DLGAP1: variants seen among roughly 807,000 people sequenced by gnomAD.
The protein encoded by DLGAP1 is disks large-associated protein 1.
DLGAP1 carries 11 observed loss-of-function variants against 90.8 expected under a neutral mutation model. The observed-to-expected ratio is 0.12, with a 90% CI of 0.08 to 0.20. The LOEUF (loss-of-function observed/expected upper bound fraction) is 0.20, where lower values mean the gene tolerates loss of function less well. Ranked by LOEUF, DLGAP1 falls within the 10% of genes least tolerant of loss-of-function variation. DLGAP1 has a pLI of 1.00. For synonymous variants in DLGAP1, 558 were observed against 540.7 expected, an observed-to-expected ratio of 1.03 and a Z score of -0.44; for missense variants, 1,050 against 1,333.8, an observed-to-expected ratio of 0.79 and a Z score of 3.31.
rs1178646005 is a variant in DLGAP1, at chr18:4,366,851, T to C, written c.-267+88155A>G. On this transcript the variant is annotated intron_variant, in intron 1 of 12. Transcript: ENST00000315677. ...AGAGGCTGTATCCAAAAAATCAAGA[T>C]TGTTTCTCATCTTTAAGCCATAAAT... Among the ~76,000 whole-genome samples the C allele has an allele frequency of 2.0e-5, 3 of 152,002 alleles. No individual in the cohort carries two copies. In the East Asian group the frequency reaches 5.8e-4, roughly 29 times the overall value.
intron 6 of DLGAP1, among the ~76,000 whole-genome samples, chr18:3,741,105 AC>A (rs1250024052): frequency 2.6e-5 from 3 of 115,182 alleles, no homozygotes; most frequent in Non-Finnish European, 3.4e-5. Context: ...CACCACCATC[AC>A]CATCACCACC....
intron 8 of DLGAP1, chr18:3,580,650 C>G (rs1282024736): frequency 1.2e-6 from 2 of 1,604,988 alleles, no homozygotes; most frequent in Non-Finnish European, 1.7e-6. Context: ...GACCCAGAGG[C>G]GAGGAGATTG....
chr18:4,357,089 G>A (rs982473937), intron 1 of DLGAP1, among the ~76,000 whole-genome samples: 3 of 35,962 alleles, frequency 8.3e-5, no homozygotes, highest in Admixed American at 7.7e-4. Flanking sequence ...ATATACGTGT[G>A]CGTGTGTGTG....
intron 1 of DLGAP1, among the ~76,000 whole-genome samples, chr18:4,408,600 A>T (rs2082713189): frequency 6.6e-6 from 1 of 152,190 alleles, no homozygotes; most frequent in Admixed American, 6.5e-5. Flanking sequence ...AAAGGTTTAT[A>T]GTTGATAGAA....
chr18:3,833,194 CT>C (rs1366063351), intron 4 of DLGAP1, among the ~76,000 whole-genome samples: 12 of 16,216 alleles, frequency 7.4e-4, no homozygotes, highest in Admixed American at 2.5e-3. Context: ...TCCTTCCTTC[CT>C]TCCTTCCTTC....
chr18:3,592,488 C>T (rs1348763714), intron 7 of DLGAP1, among the ~76,000 whole-genome samples: 1 of 152,172 alleles, frequency 6.6e-6, no homozygotes, highest in Non-Finnish European at 1.5e-5. Flanking sequence ...ATTAGATCTT[C>T]CTAATCACCA....
chr18:4,297,780 C>A (rs1197284621), intron 1 of DLGAP1, among the ~76,000 whole-genome samples: 2 of 152,088 alleles, frequency 1.3e-5, no homozygotes. Flanking sequence ...CTCTCTCTTT[C>A]TCTATCTATC....
intron 7 of DLGAP1, among the ~76,000 whole-genome samples, chr18:3,617,608 T>A (rs1488847430): frequency 6.6e-5 from 4 of 60,944 alleles, no homozygotes; most frequent in East Asian, 6.5e-4. Context: ...AAAAAAAAAA[T>A]TGTTGAAAAC....
intron 7 of DLGAP1, among the ~76,000 whole-genome samples, chr18:3,662,186 A>G (rs1430273584): frequency 6.6e-6 from 1 of 152,244 alleles, no homozygotes; most frequent in Non-Finnish European, 1.5e-5. Context: ...GTTTTCAAAC[A>G]AAATTTGGAG....
At chr18:4,169,475 C>A (rs983055697) in intron 1 of DLGAP1, among the ~76,000 whole-genome samples, 1 of 152,098 alleles carries the variant, frequency 6.6e-6, no homozygotes, top group Non-Finnish European at 1.5e-5. Flanking sequence ...AGGGAGATAA[C>A]CTAACAAAAT....
At chr18:3,557,986 CTAGGTGAA>C (rs2053856508) in intron 9 of DLGAP1, among the ~76,000 whole-genome samples, 2 of 151,402 alleles carry the variant, frequency 1.3e-5, no homozygotes, top group East Asian at 3.9e-4. Flanking sequence ...TCTGCCCTAT[CTAGGTGAA>C]TGTTCCATAT....
At chr18:4,050,548 C>T (rs2075118746) in intron 2 of DLGAP1, among the ~76,000 whole-genome samples, 1 of 152,148 alleles carries the variant, frequency 6.6e-6, no homozygotes, top group Non-Finnish European at 1.5e-5. Context: ...TCAATATAGG[C>T]TTCTATCCAC....
intron 10 of DLGAP1, among the ~76,000 whole-genome samples, chr18:3,509,985 G>A (rs1397054958): frequency 1.3e-5 from 2 of 152,146 alleles, no homozygotes; most frequent in South Asian, 2.1e-4. Flanking sequence ...CCGTGATCTC[G>A]AGGGGGTCTC....
chr18:3,771,510 G>C (rs1019736811), intron 5 of DLGAP1: 3 of 152,368 alleles, frequency 2.0e-5, no homozygotes, highest in Non-Finnish European at 4.4e-5. Flanking sequence ...GGACCGGCAG[G>C]GGGCGGTCGA....
At chr18:3,960,053 A>G (rs2073166972) in intron 3 of DLGAP1, among the ~76,000 whole-genome samples, 2 of 152,142 alleles carry the variant, frequency 1.3e-5, no homozygotes, top group African/African-American at 4.8e-5. Context: ...TCCCCTGAGT[A>G]TTATCTCCAG....
chr18:3,714,117 T>C (rs1416191246), intron 7 of DLGAP1, among the ~76,000 whole-genome samples: 1 of 152,178 alleles, frequency 6.6e-6, no homozygotes, highest in Admixed American at 6.5e-5. Flanking sequence ...CTTAATCCCC[T>C]TTTTTAAAAA....
chr18:4,366,099 T>A (rs971205201), intron 1 of DLGAP1, among the ~76,000 whole-genome samples: 6 of 152,112 alleles, frequency 3.9e-5, no homozygotes, highest in Non-Finnish European at 8.8e-5. Flanking sequence ...ACTGATACAG[T>A]CAGGGGCAAC....
At position 4,383,324 on chromosome 18, in the gene DLGAP1, T is replaced by C. The variant is rs948037763; in HGVS notation, c.-267+71682A>G. Among the ~76,000 whole-genome samples the C allele has an allele frequency of 1.3e-5, 2 of 152,218 alleles. No homozygotes were observed. Among genetic ancestry groups the C allele is most frequent in the South Asian group, 4.1e-4 (2 of 4,826 alleles). On this transcript the variant is annotated intron_variant, in intron 1 of 12. Coordinates refer to ENST00000315677, the MANE Select transcript of DLGAP1 (RefSeq NM_004746.4). The surrounding 1 kb of genome is among the most constrained non-coding windows in gnomAD (Gnocchi z 4.0). ...ATATTTATTAATGAGTAAAATAATA[T>C]GTACTTAAACTCAAAATATTTAGTA... is the stretch of plus-strand genomic sequence containing the variant.
intron 5 of DLGAP1, among the ~76,000 whole-genome samples, chr18:3,808,295 T>C (rs1405217577): frequency 6.6e-6 from 1 of 152,094 alleles, no homozygotes; most frequent in Admixed American, 6.6e-5. Flanking sequence ...TAGAGGATAA[T>C]AGAAGAAAGT....
Sources: gnomAD v4.1 joint callset for allele counts (sites outside exome capture counted in the v4.1 genomes callset) on GRCh38, gnomAD v4.1.1 for gene constraint, Gnocchi (gnomAD v3.1) non-coding constraint, MANE v1.5 for transcripts, NCBI Gene and HGNC (gene_info 2026-07-23, HGNC 2026-07-21) for gene names.